The following CYP39A1 variants were observed in gnomAD, a reference collection of about 807,000 sequenced individuals.
CYP39A1 encodes cytochrome P450 family 39 subfamily A member 1.
In CYP39A1, 49 loss-of-function variants were observed where a neutral mutation model predicts 58.1. The observed-to-expected ratio is 0.84, with a 90% CI of 0.67 to 1.07. The LOEUF (loss-of-function observed/expected upper bound fraction) is 1.07. Ranked by LOEUF, CYP39A1 falls within the 50% of genes least tolerant of loss-of-function variation. The pLI, the probability that CYP39A1 is intolerant of heterozygous loss-of-function variation, is 0.00. For synonymous variants in CYP39A1, 209 were observed against 187.6 expected, an observed-to-expected ratio of 1.11 and a Z score of -0.93; for missense variants, 531 against 539.4, an observed-to-expected ratio of 0.98 and a Z score of 0.16.
intron 7 of CYP39A1, among the ~76,000 whole-genome samples, chr6:46,605,411 G>A (rs1473610500): frequency 6.6e-6 from 1 of 152,088 alleles, no homozygotes; most frequent in Admixed American, 6.5e-5. Flanking sequence ...TTGGCAGACA[G>A]GACTTTTGTT....
At chr6:46,642,067 A>G in intron 2 of CYP39A1, 96 bp downstream of exon 2, 1 of 1,286,048 alleles carries the variant, frequency 7.8e-7, no homozygotes, top group Non-Finnish European at 1.1e-6. Context: ...GACCCTCATC[A>G]TTCTTGATAG....
chr6:46,567,518 T>C (rs186682121), intron 10 of CYP39A1, among the ~76,000 whole-genome samples: 1 of 152,258 alleles, frequency 6.6e-6, no homozygotes, highest in East Asian at 1.9e-4. Flanking sequence ...TATGGCAATT[T>C]TTTTTAAATG....
At chr6:46,599,156 G>C (rs1358106689) in intron 7 of CYP39A1, among the ~76,000 whole-genome samples, 1 of 152,132 alleles carries the variant, frequency 6.6e-6, no homozygotes, top group Non-Finnish European at 1.5e-5. Context: ...GACCCTACAG[G>C]TAGTTTGCAA....
chr6:46,633,276 T>TTA (rs1416344948), intron 5 of CYP39A1, among the ~76,000 whole-genome samples: 4 of 152,202 alleles, frequency 2.6e-5, no homozygotes, highest in African/African-American at 7.2e-5. Context: ...AGGACAAAGT[T>TTA]TATACCTCAT....
At chr6:46,612,469 T>G (rs749205504) in intron 7 of CYP39A1, among the ~76,000 whole-genome samples, 7 of 152,348 alleles carry the variant, frequency 4.6e-5, no homozygotes, top group Non-Finnish European at 1.0e-4. Context: ...CATTTATAAA[T>G]ACTTTTTTAA....
chr6:46,584,625 C>T (rs2150506798), intron 10 of CYP39A1, among the ~76,000 whole-genome samples: 1 of 152,140 alleles, frequency 6.6e-6, no homozygotes. Flanking sequence ...CATACAAACT[C>T]ATACATCAGG....
intron 6 of CYP39A1, among the ~76,000 whole-genome samples, chr6:46,628,703 C>CT (rs1209678668): frequency 6.6e-6 from 1 of 152,102 alleles, no homozygotes; most frequent in African/African-American, 2.4e-5. Flanking sequence ...GCCCCACCAC[C>CT]TACACCTCTG....
chr6:46,583,381 A>G, intron 10 of CYP39A1: 1 of 985,388 alleles, frequency 1.0e-6, no homozygotes, highest in Non-Finnish European at 1.2e-6. Flanking sequence ...AGGTATAGCA[A>G]GCACATCCCT....
intron 7 of CYP39A1, among the ~76,000 whole-genome samples, chr6:46,608,001 T>C (rs748429420): frequency 2.1e-4 from 32 of 152,098 alleles, no homozygotes; most frequent in Admixed American, 3.9e-4. Flanking sequence ...TGAAGGAGAA[T>C]GAACTTGGAA....
intron 8 of CYP39A1, among the ~76,000 whole-genome samples, chr6:46,591,287 CATTCTT>C (rs1331021841): frequency 5.9e-5 from 9 of 151,982 alleles, no homozygotes; most frequent in African/African-American, 2.2e-4. Flanking sequence ...ATGTGACACT[CATTCTT>C]ATTGATTTGT....
At position 46,636,323 on chromosome 6, in the gene CYP39A1, T is replaced by G. The variant is rs1775987409; in HGVS notation, c.732+66A>C. The G allele has an allele frequency of 1.3e-5, 16 of 1,253,932 alleles. No homozygotes were observed. The South Asian group carries it at 1.8e-4, about 14-fold the overall frequency. The allele number at this position is 1,253,932 out of a possible 1,614,324, so 77.7% of individuals were successfully genotyped here. On this transcript the variant is annotated intron_variant, in intron 5 of 11. Transcript: ENST00000275016. ...ATCAATCTCATGTGTTTTAGCAAAA[T>G]ATATTTTAACAACAATAATTTATTA... is the stretch of plus-strand genomic sequence containing the variant.
chr6:46,565,770 C>T (rs1308028038), intron 10 of CYP39A1, among the ~76,000 whole-genome samples: 2 of 152,146 alleles, frequency 1.3e-5, no homozygotes, highest in Admixed American at 6.6e-5. Flanking sequence ...GCACTGTCAT[C>T]ACCCATGGCA....
intron 10 of CYP39A1, chr6:46,583,197 TC>T: frequency 1.0e-6 from 1 of 985,402 alleles, no homozygotes; most frequent in Non-Finnish European, 1.2e-6. Flanking sequence ...TCTCTTCTTA[TC>T]CAAGCATGCC....
At chr6:46,649,356 C>G (rs1762531073) in intron 1 of CYP39A1, among the ~76,000 whole-genome samples, 1 of 152,242 alleles carries the variant, frequency 6.6e-6, no homozygotes, top group Non-Finnish European at 1.5e-5. Flanking sequence ...CATCAGATCA[C>G]TTGTGCCATA....
chr6:46,591,657 TG>T (rs1183603870), intron 8 of CYP39A1, among the ~76,000 whole-genome samples: 1 of 152,102 alleles, frequency 6.6e-6, no homozygotes, highest in Non-Finnish European at 1.5e-5. Context: ...AAAAACTCTT[TG>T]GGATCTTCAA....
chr6:46,572,853 A>C (rs1771662311), intron 10 of CYP39A1, among the ~76,000 whole-genome samples: 1 of 151,714 alleles, frequency 6.6e-6, no homozygotes, highest in Admixed American at 6.6e-5. Context: ...TACTCTTTTC[A>C]ATTTTTTTCT....
intron 7 of CYP39A1, among the ~76,000 whole-genome samples, chr6:46,613,554 AATTT>A (rs1774342509): frequency 6.6e-6 from 1 of 152,224 alleles, no homozygotes; most frequent in Non-Finnish European, 1.5e-5. Context: ...AATGTTTATT[AATTT>A]ATTGTTTAAA....
chr6:46,611,251 G>T (rs1774196282), intron 7 of CYP39A1, among the ~76,000 whole-genome samples: 1 of 152,304 alleles, frequency 6.6e-6, no homozygotes, highest in South Asian at 2.1e-4. Context: ...TATTCCTATT[G>T]AAAAATTACA....
chr6:46,635,399 A>T (rs538956082), intron 5 of CYP39A1, among the ~76,000 whole-genome samples: 6 of 152,288 alleles, frequency 3.9e-5, no homozygotes, highest in African/African-American at 1.4e-4. Context: ...AATGAAACCC[A>T]GTCTCTGTGG....
Sources: gnomAD v4.1 joint callset for allele counts (sites outside exome capture counted in the v4.1 genomes callset) on GRCh38, gnomAD v4.1.1 for gene constraint, MANE v1.5 for transcripts, NCBI Gene and HGNC (gene_info 2026-07-23, HGNC 2026-07-21) for gene names.